SLC38A9: variants seen among roughly 807,000 people sequenced by gnomAD.
The protein encoded by SLC38A9 is neutral amino acid transporter 9.
A neutral mutation model predicts 62.3 loss-of-function variants in SLC38A9; 48 were observed. The ratio of observed to expected loss-of-function variants is 0.77; its 90% CI spans 0.61 to 0.98. SLC38A9 has a LOEUF of 0.98. SLC38A9 is among the 50% of genes least tolerant of loss of function. SLC38A9 has a pLI of 0.00. For synonymous variants in SLC38A9, 204 were observed against 227.7 expected, an observed-to-expected ratio of 0.90 and a Z score of 0.94; for missense variants, 541 against 679.8, an observed-to-expected ratio of 0.80 and a Z score of 2.27.
At chr5:55,679,755 C>T (rs1415766414) in intron 3 of SLC38A9, among the ~76,000 whole-genome samples, 1 of 152,154 alleles carries the variant, frequency 6.6e-6, no homozygotes, top group Admixed American at 6.5e-5. Flanking sequence ...ATTCCATCTA[C>T]TATCTAGAAA....
chr5:55,675,224 T>G (rs1178470462), intron 3 of SLC38A9: 1 of 152,230 alleles, frequency 6.6e-6, no homozygotes, highest in Non-Finnish European at 1.5e-5. Flanking sequence ...GCTCCTGGTT[T>G]CTTACAGAAG....
intron 3 of SLC38A9, among the ~76,000 whole-genome samples, chr5:55,689,743 G>A (rs756289538): frequency 3.0e-4 from 46 of 152,132 alleles, no homozygotes; most frequent in Admixed American, 7.9e-4. Context: ...CCAACTTACA[G>A]CAGTTCAACT....
Sources: allele counts gnomAD v4.1 joint callset (sites outside exome capture counted in the v4.1 genomes callset), GRCh38; gene constraint gnomAD v4.1.1; transcripts MANE v1.5; gene names NCBI Gene and HGNC (gene_info 2026-07-23, HGNC 2026-07-21).